MOB3B: variants seen among roughly 807,000 people sequenced by gnomAD.
MOB3B encodes MOB kinase activator 3B.
MOB3B carries 7 observed loss-of-function variants against 18.7 expected under a neutral mutation model. The ratio of observed to expected loss-of-function variants is 0.37; its 90% CI spans 0.21 to 0.70. The LOEUF is 0.70. Ranked by LOEUF, MOB3B falls within the 30% of genes least tolerant of loss-of-function variation. The pLI is 0.52. For missense variants in MOB3B, 253 were observed against 281.3 expected, an observed-to-expected ratio of 0.90 and a Z score of 0.72; for synonymous variants, 111 against 99.9, an observed-to-expected ratio of 1.11 and a Z score of -0.66.
rs1408621929 is a variant in MOB3B, at chr9:27,326,410, A to G, written c.*4177T>C. ...TTAATTGTATTTTCACTTATTATATATCATCTTTGGACCTTTCTAAAAGTG... is the reference window on the plus strand; with the variant it reads ...TTAATTGTATTTTCACTTATTATATGTCATCTTTGGACCTTTCTAAAAGTG... On this transcript the variant is annotated 3_prime_UTR_variant, in exon 4 of 4. Coordinates refer to ENST00000262244, the MANE Select transcript of MOB3B (RefSeq NM_024761.5). 7 of 398,422 alleles carry G rather than the reference A, an allele frequency of 1.8e-5. No homozygotes were observed. Among genetic ancestry groups the G allele is most frequent in the Non-Finnish European group, 4.4e-6 (1 of 226,014 alleles). 24.7% of individuals were successfully genotyped at this position (398,422 alleles called of 1,614,324 possible).
At chr9:27,499,645 A>G (rs747265419) in intron 1 of MOB3B, among the ~76,000 whole-genome samples, 2 of 152,152 alleles carry the variant, frequency 1.3e-5, no homozygotes, top group Non-Finnish European at 2.9e-5. Flanking sequence ...CCACACTGCC[A>G]TTTCTCGTTA....
chr9:27,435,087 C>G (rs1387721267), intron 2 of MOB3B, among the ~76,000 whole-genome samples: 2 of 149,860 alleles, frequency 1.3e-5, no homozygotes, highest in Non-Finnish European at 3.0e-5. Flanking sequence ...CTCTCTCTTT[C>G]TCTCCCCACC....
chr9:27,497,214 C>T (rs552089860), intron 1 of MOB3B, among the ~76,000 whole-genome samples: 7 of 152,286 alleles, frequency 4.6e-5, no homozygotes, highest in Admixed American at 3.3e-4. Context: ...AGGCCAACTA[C>T]CTTTTGACTC....
intron 1 of MOB3B, among the ~76,000 whole-genome samples, chr9:27,525,607 C>A (rs193061866): frequency 1.3e-5 from 2 of 152,206 alleles, no homozygotes; most frequent in Admixed American, 1.3e-4. Flanking sequence ...TTTCATTTAA[C>A]CTTTGAGAGT....
At chr9:27,446,584 C>A (rs1287000576) in intron 2 of MOB3B, among the ~76,000 whole-genome samples, 4 of 152,186 alleles carry the variant, frequency 2.6e-5, no homozygotes, top group Non-Finnish European at 4.4e-5. Context: ...TAATTATGGA[C>A]TTTTGATCCT....
At chr9:27,353,382 G>T (rs1821136981) in intron 3 of MOB3B, among the ~76,000 whole-genome samples, 1 of 152,114 alleles carries the variant, frequency 6.6e-6, no homozygotes, top group South Asian at 2.1e-4. Context: ...CTGGGGTGAG[G>T]CCCAAGAATG....
intron 2 of MOB3B, among the ~76,000 whole-genome samples, chr9:27,448,238 T>C (rs1822724356): frequency 6.6e-6 from 1 of 152,224 alleles, no homozygotes; most frequent in Non-Finnish European, 1.5e-5. Context: ...CTTTTGAGTC[T>C]TAGTTTTCTC....
chr9:27,338,371 G>A (rs1410131720), intron 3 of MOB3B, among the ~76,000 whole-genome samples: 1 of 152,128 alleles, frequency 6.6e-6, no homozygotes, highest in Non-Finnish European at 1.5e-5. Context: ...AGAACTCTGG[G>A]TGTGATGAAA....
At chr9:27,485,122 C>T (rs1819715260) in intron 1 of MOB3B, among the ~76,000 whole-genome samples, 1 of 152,138 alleles carries the variant, frequency 6.6e-6, no homozygotes, top group African/African-American at 2.4e-5. Flanking sequence ...GATAATATAT[C>T]AATAACAACA....
In MOB3B at chr9:27,329,636, C is replaced by A. The variant is rs1165534051; in HGVS notation, c.*951G>T. Reference sequence around the variant, plus strand: ...ACCAAATAACCAATTGTACTTTTTTCACTGAAATGTTAGTATTATGTAGAG... The same window carrying A: ...ACCAAATAACCAATTGTACTTTTTTAACTGAAATGTTAGTATTATGTAGAG... On this transcript the variant is annotated 3_prime_UTR_variant, in exon 4 of 4. Coordinates refer to ENST00000262244, the MANE Select transcript of MOB3B (RefSeq NM_024761.5). The A allele has an allele frequency of 6.6e-6, 1 of 152,522 alleles. No individual in the cohort carries two copies. The highest frequency in any genetic ancestry group is 1.5e-5 in the Non-Finnish European group (1 of 68,030). 9.4% of individuals were successfully genotyped at this position (152,522 alleles called of 1,614,324 possible).
At chr9:27,383,430 G>C (rs1587170928) in intron 2 of MOB3B, among the ~76,000 whole-genome samples, 1 of 152,220 alleles carries the variant, frequency 6.6e-6, no homozygotes, top group Non-Finnish European at 1.5e-5. Context: ...TATGTGGGTA[G>C]GAAGTTGAAG....
chr9:27,522,242 C>CAAAAAAAA (rs1171362204), intron 1 of MOB3B, among the ~76,000 whole-genome samples: 1,012 of 56,122 alleles, frequency 0.018, 21 homozygotes, highest in Middle Eastern at 0.059. Flanking sequence ...CCCCGTCTCA[C>CAAAAAAAA]AAAAAAAAAA....
At position 27,455,232 on chromosome 9, in the gene MOB3B, T is replaced by C; in HGVS notation, c.319A>G (p.Lys107Glu). The C allele has an allele frequency of 6.2e-7, 1 of 1,614,166 alleles. No individual in the cohort carries two copies. Among genetic ancestry groups the C allele is most frequent in the Non-Finnish European group, 8.5e-7 (1 of 1,180,028 alleles). Reference protein sequence around the residue: ...EYRWQDDLKYKKPTALPAPQY... With the variant: ...EYRWQDDLKYEKPTALPAPQY... ...GGAGCTGGCAGCGCTGTTGGCTTCTTATACTTGAGATCATCCTGCCACCGA... is the reference window on the plus strand; with the variant it reads ...GGAGCTGGCAGCGCTGTTGGCTTCTCATACTTGAGATCATCCTGCCACCGA... The change falls in exon 2 of 4, where the codon AAG (lysine) becomes GAG (glutamate). Residue 107 changes from lysine (K) to glutamate (E), a missense_variant. By Grantham distance (56) the Lys-to-Glu change is moderately conservative. Transcript: ENST00000262244.
chr9:27,451,528 A>T (rs919025440), intron 2 of MOB3B, among the ~76,000 whole-genome samples: 2 of 152,306 alleles, frequency 1.3e-5, no homozygotes, highest in South Asian at 2.1e-4. Flanking sequence ...CAATGTTTCA[A>T]TGGTAGAGAT....
At chr9:27,445,516 A>C (rs1007250542) in intron 2 of MOB3B, among the ~76,000 whole-genome samples, 1 of 152,192 alleles carries the variant, frequency 6.6e-6, no homozygotes, top group Non-Finnish European at 1.5e-5. Context: ...CCTCGTTGAC[A>C]CATTTGCTCA....
chr9:27,434,720 C>G (rs187049855), intron 2 of MOB3B, among the ~76,000 whole-genome samples: 1 of 152,112 alleles, frequency 6.6e-6, no homozygotes. Flanking sequence ...ACTCCTCCTG[C>G]TCCCTGCTCT....
intron 1 of MOB3B, among the ~76,000 whole-genome samples, chr9:27,520,400 C>G (rs1413794572): frequency 6.6e-6 from 1 of 152,228 alleles, no homozygotes; most frequent in African/African-American, 2.4e-5. Context: ...GTTAGCATGT[C>G]AGTGCATAGC....
chr9:27,454,925 T>C (rs1292704909), intron 2 of MOB3B, among the ~76,000 whole-genome samples: 1 of 152,178 alleles, frequency 6.6e-6, no homozygotes, highest in East Asian at 1.9e-4. Flanking sequence ...ATGTGGTATG[T>C]GTACCACTGG....
intron 2 of MOB3B, among the ~76,000 whole-genome samples, chr9:27,441,151 A>C (rs1822590009): frequency 6.6e-6 from 1 of 152,162 alleles, no homozygotes; most frequent in South Asian, 2.1e-4. Flanking sequence ...CATGACTTCC[A>C]CCAACAAATG....
Sources: gnomAD v4.1 joint callset for allele counts (sites outside exome capture counted in the v4.1 genomes callset) on GRCh38, gnomAD v4.1.1 for gene constraint, MANE v1.5 for transcripts, NCBI Gene and HGNC (gene_info 2026-07-23, HGNC 2026-07-21) for gene names.